Variants in CDH12 observed in about 807,000 individuals in gnomAD.
CDH12 encodes the protein cadherin 12, also known as cadherin-12.
A neutral mutation model predicts 74.1 loss-of-function variants in CDH12; 41 were observed. The observed-to-expected ratio is 0.55, with a 90% CI of 0.43 to 0.72. The LOEUF is 0.72. Among genes scored for constraint, CDH12 ranks in the 30% least tolerant of loss-of-function variants. The pLI is 0.00. For missense variants in CDH12, 945 were observed against 977.2 expected (o/e 0.97, Z 0.44); for synonymous variants, 399 against 355.0 (o/e 1.12, Z -1.39).
At chr5:22,477,652 A>G (rs1746219723) in intron 2 of CDH12, among the ~76,000 whole-genome samples, 1 of 152,126 alleles carries the variant, frequency 6.6e-6, no homozygotes, top group East Asian at 1.9e-4. Flanking sequence ...GTCTTTGAGG[A>G]GCCACTACAG....
Position 22,142,018 on chromosome 5 carries a change from C to A in CDH12, c.-186-63156G>T, listed in dbSNP as rs373204246. ...CAGAATCTATTACTTACACATTACT[C>A]CTGGGCTTTTGGAATGAGAAACTGA... On this transcript the variant is annotated intron_variant, in intron 4 of 14. Transcript: ENST00000382254. 3.5e-4 allele frequency among the ~76,000 whole-genome samples: 53 copies of A among 152,166 alleles called. No homozygotes were observed. The East Asian group carries it at 8.7e-3, about 25-fold the overall frequency.
rs367856433 is a variant in CDH12, at chr5:22,672,413, C to T, written c.-522-167049G>A. Among the ~76,000 whole-genome samples, 17 of 151,886 alleles carry T rather than the reference C, an allele frequency of 1.1e-4. No homozygotes were observed. The East Asian group carries it at 1.7e-3, about 16-fold the overall frequency. On this transcript the variant is annotated intron_variant, in intron 1 of 14. Transcript: ENST00000382254. ...GTAGGATTGTAAAGAGATGATTAGG[C>T]CAGGATGACTTTGCTCTCATGAAGG...
At chr5:22,348,584 T>C (rs1740225699) in intron 3 of CDH12, among the ~76,000 whole-genome samples, 1 of 152,198 alleles carries the variant, frequency 6.6e-6, no homozygotes, top group African/African-American at 2.4e-5. Flanking sequence ...TAATCCACGA[T>C]GAGACAGATT....
At chr5:22,578,608 C>G (rs1017867579) in intron 1 of CDH12, among the ~76,000 whole-genome samples, 39 of 152,160 alleles carry the variant, frequency 2.6e-4, no homozygotes, top group Admixed American at 1.6e-3. Context: ...ACTGCTTTCC[C>G]AGAAAATCAG....
intron 3 of CDH12, among the ~76,000 whole-genome samples, chr5:22,215,418 T>C (rs1191499997): frequency 6.6e-6 from 1 of 152,094 alleles, no homozygotes; most frequent in Non-Finnish European, 1.5e-5. Context: ...TTAAAAGTTA[T>C]GTATGATTTA....
chr5:21,832,885 T>C (rs796155594), intron 8 of CDH12, among the ~76,000 whole-genome samples: 1 of 54,430 alleles, frequency 1.8e-5, no homozygotes, highest in Non-Finnish European at 2.8e-5. Flanking sequence ...TGATATAATA[T>C]TAATATATAT....
At chr5:22,682,491 A>G (rs1741546470) in intron 1 of CDH12, among the ~76,000 whole-genome samples, 2 of 152,108 alleles carry the variant, frequency 1.3e-5, no homozygotes, top group Non-Finnish European at 2.9e-5. Flanking sequence ...GGTAACTTGT[A>G]TACAACAGAG....
intron 1 of CDH12, among the ~76,000 whole-genome samples, chr5:22,737,527 ATAGT>A (rs951548256): frequency 6.6e-6 from 1 of 152,008 alleles, no homozygotes; most frequent in Non-Finnish European, 1.5e-5. Context: ...CGTGAGAAAA[ATAGT>A]TAATAAGACT....
intron 1 of CDH12, among the ~76,000 whole-genome samples, chr5:22,535,194 G>C (rs1737784158): frequency 8.5e-6 from 1 of 118,196 alleles, no homozygotes; most frequent in South Asian, 2.7e-4. Context: ...TCTTGCTGTC[G>C]CCCAGGCTGG....
At chr5:22,556,206 G>T (rs1193083388) in intron 1 of CDH12, among the ~76,000 whole-genome samples, 1 of 152,006 alleles carries the variant, frequency 6.6e-6, no homozygotes, top group African/African-American at 2.4e-5. Flanking sequence ...AGCAGAAGGG[G>T]TAGTATATTA....
At chr5:21,872,827 T>G (rs1284387163) in intron 6 of CDH12, among the ~76,000 whole-genome samples, 1 of 137,690 alleles carries the variant, frequency 7.3e-6, no homozygotes, top group East Asian at 2.1e-4. Flanking sequence ...TCTATCTATC[T>G]ATCTATCATC....
intron 1 of CDH12, among the ~76,000 whole-genome samples, chr5:22,751,837 G>A (rs1380671204): frequency 6.6e-6 from 1 of 152,138 alleles, no homozygotes. Context: ...TATCATGTGT[G>A]AGATAATAAA....
intron 1 of CDH12, among the ~76,000 whole-genome samples, chr5:22,508,049 G>T (rs941294090): frequency 6.6e-6 from 1 of 151,734 alleles, no homozygotes; most frequent in Admixed American, 6.6e-5. Context: ...TTATAATTTG[G>T]GCCTATTCAG....
At chr5:22,678,364 A>T (rs1332255333) in intron 1 of CDH12, among the ~76,000 whole-genome samples, 1 of 152,102 alleles carries the variant, frequency 6.6e-6, no homozygotes, top group African/African-American at 2.4e-5. Flanking sequence ...TAATAAACTT[A>T]ACAATATCAA....
intron 2 of CDH12, among the ~76,000 whole-genome samples, chr5:22,411,848 T>C (rs145320028): frequency 0.014 from 2,140 of 152,162 alleles, 27 homozygotes; most frequent in Middle Eastern, 0.027. Context: ...CTTCAGAGAC[T>C]ACCTCATCAA....
intron 6 of CDH12, chr5:21,883,711 T>C (rs1561271746): frequency 1.4e-5 from 23 of 1,607,812 alleles, no homozygotes; most frequent in Non-Finnish European, 2.0e-5. Context: ...ATTCAAGAAA[T>C]CATTGGGCAG....
At chr5:21,877,451 C>A (rs1336290766) in intron 6 of CDH12, among the ~76,000 whole-genome samples, 1 of 152,082 alleles carries the variant, frequency 6.6e-6, no homozygotes, top group Non-Finnish European at 1.5e-5. Flanking sequence ...GAACCTACAA[C>A]AGAGCTTGGT....
intron 1 of CDH12, among the ~76,000 whole-genome samples, chr5:22,521,340 T>C (rs898844625): frequency 1.3e-5 from 2 of 152,072 alleles, no homozygotes; most frequent in African/African-American, 2.4e-5. Flanking sequence ...TTCTGAAGTT[T>C]GTATATATAA....
chr5:22,219,223 C>T (rs1296688215), intron 3 of CDH12, among the ~76,000 whole-genome samples: 1 of 151,714 alleles, frequency 6.6e-6, no homozygotes, highest in East Asian at 1.9e-4. Flanking sequence ...GCTTTCTCAA[C>T]CTCTAAATGC....
Sources: allele counts gnomAD v4.1 joint callset (sites outside exome capture counted in the v4.1 genomes callset), GRCh38; gene constraint gnomAD v4.1.1; transcripts MANE v1.5; gene names NCBI Gene and HGNC (gene_info 2026-07-23, HGNC 2026-07-21).